CD6: variants seen among roughly 807,000 people sequenced by gnomAD.
CD6 encodes the protein CD6 molecule.
A neutral mutation model predicts 75.3 loss-of-function variants in CD6; 53 were observed. That is an observed-to-expected ratio of 0.70 (90% confidence interval 0.56 to 0.88). The LOEUF (loss-of-function observed/expected upper bound fraction) is 0.88. Among genes scored for constraint, CD6 ranks in the 40% least tolerant of loss-of-function variants. The pLI, the probability that CD6 is intolerant of heterozygous loss-of-function variation, is 0.00. For synonymous variants in CD6, 359 were observed against 381.5 expected, an observed-to-expected ratio of 0.94 and a Z score of 0.69; for missense variants, 770 against 897.1, an observed-to-expected ratio of 0.86 and a Z score of 1.81.
Position 61,007,465 on chromosome 11 carries a change from C to A in CD6, c.119-95C>A. ...AGCTGAGACCCCTAGCCAGGCAGGG[C>A]GTTGTCAAAGTTCACGCACAGAGTC... On this transcript the variant is annotated intron_variant, in intron 2 of 12. Transcript: ENST00000313421. This position sits in a 1 kb window ranked among gnomAD's most constrained non-coding sequence, Gnocchi z 4.2. 4.1e-6 allele frequency: 4 copies of A among 978,210 alleles called. No homozygotes were observed. Among genetic ancestry groups the A allele is most frequent in the Non-Finnish European group, 4.2e-6 (3 of 716,408 alleles). 60.6% of individuals were successfully genotyped at this position (978,210 alleles called of 1,614,324 possible).
chr11:61,008,714 C>T lies in CD6; in HGVS notation c.650C>T (p.Thr217Met), dbSNP rs11230562. Residue 217 changes from threonine (T) to methionine (M), a missense_variant, in exon 4 of 13, where the codon ACG (threonine) becomes ATG (methionine). Physicochemically the swap from Thr to Met is moderately conservative, Grantham distance 81 (BLOSUM62 -1). Coordinates refer to ENST00000313421, the MANE Select transcript of CD6 (RefSeq NM_006725.5). ...AVQALPGLHF[T>M]PGRGPIHRDQ... ...CAGGCCCTGCCCGGCTTGCACTTCACGCCCGGCCGCGGGCCTATCCACCGG... is the reference window on the plus strand; with the variant it reads ...CAGGCCCTGCCCGGCTTGCACTTCATGCCCGGCCGCGGGCCTATCCACCGG... 0.21 allele frequency: 331,098 copies of T among 1,606,434 alleles called. 38,470 individuals carry two copies. Among genetic ancestry groups the T allele is most frequent in the Middle Eastern group, 0.32 (1,926 of 6,048 alleles).
chr11:60,971,784 A>T lies in CD6; in HGVS notation c.-82A>T. ...TAGAGCAGACCTGCGCCAGGGGCGC[A>T]CAACGGCCGTGTCCACCTCCCGGCC... On this transcript the variant is annotated 5_prime_UTR_variant, in exon 1 of 13. Coordinates refer to ENST00000313421, the MANE Select transcript of CD6 (RefSeq NM_006725.5). The T allele has an allele frequency of 7.0e-7, 1 of 1,423,390 alleles. No individual in the cohort carries two copies. The highest frequency in any genetic ancestry group is 9.8e-7 in the Non-Finnish European group (1 of 1,019,730). 88.2% of individuals were successfully genotyped at this position (1,423,390 alleles called of 1,614,324 possible). A position where few individuals can be genotyped will look rare whatever the true frequency, so the allele number is the denominator to read the frequency against.
At chr11:60,998,686 C>T (rs779908984) in intron 1 of CD6, among the ~76,000 whole-genome samples, 11 of 152,120 alleles carry the variant, frequency 7.2e-5, no homozygotes, top group Non-Finnish European at 1.5e-4. Context: ...TCTGCAGGCT[C>T]ATTGGAGCAG....
At chr11:61,004,288 C>G (rs913401766) in intron 1 of CD6, 4 of 152,322 alleles carry the variant, frequency 2.6e-5, no homozygotes, top group African/African-American at 9.7e-5. Context: ...ATCCCCCTCC[C>G]CCACCCCATG....
chr11:61,007,868 G>A lies in CD6; in HGVS notation c.427G>A (p.Ala143Thr), dbSNP rs1858945003. 2 of 1,386,422 alleles carry A rather than the reference G, an allele frequency of 1.4e-6. No individual in the cohort carries two copies. The highest frequency in any genetic ancestry group is 1.9e-6 in the Non-Finnish European group (2 of 1,076,580). The allele number at this position is 1,386,422 out of a possible 1,614,324, so 85.9% of individuals were successfully genotyped here. Residue 143 changes from alanine to threonine, a missense_variant, in exon 3 of 13, where the codon GCG becomes ACG. By Grantham distance (58) the Ala-to-Thr change is moderately conservative. Coordinates refer to ENST00000313421, the MANE Select transcript of CD6 (RefSeq NM_006725.5). The surrounding 1 kb of genome is among the most constrained non-coding windows in gnomAD (Gnocchi z 4.2). ...GCGGCTCTGCGAGGTGGTGGAGCAC[G>A]CGTGCCGCAGCGACGGGAGGCGGGC... ...EWRLCEVVEHACRSDGRRARV... is the reference protein window; with the variant it reads ...EWRLCEVVEHTCRSDGRRARV...
chr11:60,991,149 C>CTTTTTT (rs58123378), intron 1 of CD6, among the ~76,000 whole-genome samples: 161 of 114,660 alleles, frequency 1.4e-3, no homozygotes, highest in Middle Eastern at 5.2e-3. Flanking sequence ...CTTTTTCTTT[C>CTTTTTT]TTTTTTTTTT....
intron 12 of CD6, chr11:61,018,625 C>T: frequency 1.9e-6 from 1 of 532,140 alleles, no homozygotes; most frequent in Non-Finnish European, 3.4e-6. Context: ...TACGACTAGC[C>T]CCGGGAACAT....
chr11:61,007,650 G>A lies in CD6; in HGVS notation c.209G>A (p.Cys70Tyr). ...VRLEASWEPA[C>Y]GALWDSRAAE... Reference sequence around the variant, plus strand: ...CTCGAGGCGTCCTGGGAGCCCGCGTGCGGGGCGCTCTGGGACAGCCGCGCC... The same window carrying A: ...CTCGAGGCGTCCTGGGAGCCCGCGTACGGGGCGCTCTGGGACAGCCGCGCC... The change falls in exon 3 of 13, where the codon TGC becomes TAC. Residue 70 changes from cysteine to tyrosine, a missense_variant. By Grantham distance (194) the Cys-to-Tyr change is radical. Transcript: ENST00000313421. This position sits in a 1 kb window ranked among gnomAD's most constrained non-coding sequence, Gnocchi z 4.2. 6.8e-7 allele frequency: 1 copy of A among 1,464,204 alleles called. No homozygotes were observed. The highest frequency in any genetic ancestry group is 9.0e-7 in the Non-Finnish European group (1 of 1,107,516). 90.7% of individuals were successfully genotyped at this position (1,464,204 alleles called of 1,614,324 possible). A position where few individuals can be genotyped will look rare whatever the true frequency, so the allele number is the denominator to read the frequency against.
chr11:61,014,853 A>G (rs962554582), intron 8 of CD6, among the ~76,000 whole-genome samples: 2 of 152,242 alleles, frequency 1.3e-5, no homozygotes, highest in African/African-American at 2.4e-5. Context: ...AATCACCTTT[A>G]TCGGAAAGAG....
At chr11:60,998,584 C>A (rs983240350) in intron 1 of CD6, among the ~76,000 whole-genome samples, 1 of 152,154 alleles carries the variant, frequency 6.6e-6, no homozygotes, top group African/African-American at 2.4e-5. Context: ...AGAAGAGACA[C>A]CCTGACCTGC....
intron 1 of CD6, among the ~76,000 whole-genome samples, chr11:60,977,201 C>T (rs1857396925): frequency 6.6e-6 from 1 of 152,174 alleles, no homozygotes; most frequent in Non-Finnish European, 1.5e-5. Context: ...GAATTAAATT[C>T]AGTACCCAGC....
chr11:60,972,040 G>A, intron 1 of CD6, 126 bp downstream of exon 1: 1 of 972,922 alleles, frequency 1.0e-6, no homozygotes, highest in Non-Finnish European at 1.6e-6. Context: ...ACTACACTCA[G>A]GTACCAGGGA....
At chr11:60,999,955 G>A (rs1245860472) in intron 1 of CD6, among the ~76,000 whole-genome samples, 1 of 152,002 alleles carries the variant, frequency 6.6e-6, no homozygotes, top group African/African-American at 2.4e-5. Context: ...CAGTAGCTGC[G>A]GCAGGAGAAT....
At chr11:61,006,092 G>A (rs1486534739) in intron 1 of CD6, among the ~76,000 whole-genome samples, 2 of 152,192 alleles carry the variant, frequency 1.3e-5, no homozygotes, top group Non-Finnish European at 2.9e-5. Context: ...AGTCTGATAT[G>A]AAATTCTCAA....
At chr11:60,987,419 A>G (rs988834168) in intron 1 of CD6, among the ~76,000 whole-genome samples, 1 of 152,250 alleles carries the variant, frequency 6.6e-6, no homozygotes, top group Non-Finnish European at 1.5e-5. Flanking sequence ...GATTGCCCCT[A>G]TAAAGACCCT....
At chr11:61,003,456 G>C (rs1389033536) in intron 1 of CD6, among the ~76,000 whole-genome samples, 3 of 152,208 alleles carry the variant, frequency 2.0e-5, no homozygotes, top group Admixed American at 6.5e-5. Flanking sequence ...CAATGGGCCG[G>C]GTGTGGTGGC....
At chr11:60,978,636 A>T (rs1310548560) in intron 1 of CD6, among the ~76,000 whole-genome samples, 1 of 152,184 alleles carries the variant, frequency 6.6e-6, no homozygotes, top group Non-Finnish European at 1.5e-5. Flanking sequence ...TTTACAGGTT[A>T]TGGAGCAGGG....
At chr11:61,016,649 G>A (rs1427754519) in intron 9 of CD6, among the ~76,000 whole-genome samples, 1 of 152,218 alleles carries the variant, frequency 6.6e-6, no homozygotes. Flanking sequence ...ATGGGATGCT[G>A]GAGATGGCCA....
chr11:61,013,438 T>C lies in CD6; in HGVS notation c.1166T>C (p.Val389Ala), dbSNP rs772106314. The C allele has an allele frequency of 3.1e-6, 5 of 1,614,128 alleles. No homozygotes were observed. The highest frequency in any genetic ancestry group is 2.2e-5 in the South Asian group (2 of 91,058). The stretch of plus-strand genomic sequence containing the variant: ...TTGTTTCCAGAATCTTCTGTGACAG[T>C]GAAAATAGAGAACAAGGAATCTCGG... Reference protein sequence around the residue: ...QTVTIESSVTVKIENKESREL... With the variant: ...QTVTIESSVTAKIENKESREL... The change falls in exon 7 of 13, where the codon GTG becomes GCG. Residue 389 changes from valine (V) to alanine (A), a missense_variant. Transcript: ENST00000313421.
Sources: gnomAD v4.1 joint callset for allele counts (sites outside exome capture counted in the v4.1 genomes callset) on GRCh38, gnomAD v4.1.1 for gene constraint, Gnocchi (gnomAD v3.1) non-coding constraint, MANE v1.5 for transcripts, NCBI Gene and HGNC (gene_info 2026-07-23, HGNC 2026-07-21) for gene names.